Variants in VEZT observed in about 807,000 individuals in gnomAD.
VEZT encodes vezatin.
VEZT carries 39 observed loss-of-function variants against 79.9 expected under a neutral mutation model. The observed-to-expected ratio is 0.49, with a 90% confidence interval of 0.38 to 0.64. The LOEUF (loss-of-function observed/expected upper bound fraction) is 0.64. VEZT is among the 30% of genes least tolerant of loss of function. The probability of loss-of-function intolerance (pLI) is 0.00; values close to 1 mark genes in which losing one functional copy is unlikely to be tolerated. For synonymous variants in VEZT, 325 were observed against 327.6 expected (o/e 0.99, Z 0.09); for missense variants, 837 against 893.1 (o/e 0.94, Z 0.80).
chr12:95,288,346 A>C (rs1458189852), intron 9 of VEZT, among the ~76,000 whole-genome samples: 1 of 152,180 alleles, frequency 6.6e-6, no homozygotes, highest in East Asian at 1.9e-4. Flanking sequence ...ATAATATATC[A>C]GATTGCTTTG....
At chr12:95,242,600 G>T (rs533019571) in intron 1 of VEZT, among the ~76,000 whole-genome samples, 1 of 152,058 alleles carries the variant, frequency 6.6e-6, no homozygotes, top group African/African-American at 2.4e-5. Context: ...TGGGCCGGGC[G>T]TGGTGGCTCA....
At chr12:95,264,236 G>A (rs1355400026) in intron 4 of VEZT, among the ~76,000 whole-genome samples, 1 of 152,162 alleles carries the variant, frequency 6.6e-6, no homozygotes, top group Non-Finnish European at 1.5e-5. Flanking sequence ...TTAAGGAGCT[G>A]ATAGAAGGAA....
chr12:95,287,787 A>T lies in VEZT; in HGVS notation c.1452A>T (p.Ala484=), dbSNP rs1179376370. ...AGTTGATTCAGCCCCACGTTCAAGC[A>T]AGCAACAATTGCTGGGAAGAGGCCA... is the stretch of plus-strand genomic sequence containing the variant. ...KLKLIQPHVQ[A]SNNCWEEAIS... Residue 484 remains alanine, a synonymous_variant, in exon 9 of 12, where the codon GCA becomes GCT. Transcript: ENST00000436874. 1.9e-6 allele frequency: 3 copies of T among 1,608,760 alleles called. No homozygotes were observed. Among genetic ancestry groups the T allele is most frequent in the Middle Eastern group, 1.7e-4 (1 of 6,052 alleles).
chr12:95,260,644 ACTTAC>A (rs2064275108), intron 3 of VEZT, among the ~76,000 whole-genome samples: 1 of 152,152 alleles, frequency 6.6e-6, no homozygotes, highest in African/African-American at 2.4e-5. Flanking sequence ...GCTTCTTCAA[ACTTAC>A]CTTATATAGG....
rs78432960 is a variant in VEZT, at chr12:95,221,881, T to A, written c.36+3995T>A. ...AAAAATATTCAAAAAATAATACAAA[T>A]AAAAAAACTATACAGGATAACAACT... On this transcript the variant is annotated intron_variant, in intron 1 of 11. Transcript: ENST00000436874. 5.4e-4 allele frequency among the ~76,000 whole-genome samples: 82 copies of A among 152,000 alleles called. 1 individual carries two copies. In the East Asian group the frequency reaches 0.011, roughly 20 times the overall value.
At chr12:95,268,190 A>G (rs1310161301) in intron 5 of VEZT, among the ~76,000 whole-genome samples, 1 of 152,014 alleles carries the variant, frequency 6.6e-6, no homozygotes, top group Admixed American at 6.5e-5. Flanking sequence ...TAAAAAAATC[A>G]TGCTTAAAAT....
intron 10 of VEZT, among the ~76,000 whole-genome samples, chr12:95,294,752 A>G (rs959240447): frequency 2.6e-5 from 4 of 152,150 alleles, no homozygotes; most frequent in Admixed American, 2.6e-4. Flanking sequence ...ATCGCATTGG[A>G]TATTGACAAA....
chr12:95,293,402 CTT>C (rs76381367), intron 9 of VEZT, among the ~76,000 whole-genome samples: 1 of 152,004 alleles, frequency 6.6e-6, no homozygotes, highest in Non-Finnish European at 1.5e-5. Context: ...AACCATACTT[CTT>C]TTTTTTAAGT....
intron 9 of VEZT, among the ~76,000 whole-genome samples, chr12:95,290,429 C>T (rs2072441607): frequency 6.6e-6 from 1 of 152,178 alleles, no homozygotes; most frequent in South Asian, 2.1e-4. Flanking sequence ...GCTGTTACAT[C>T]CATCCATACA....
intron 11 of VEZT, among the ~76,000 whole-genome samples, chr12:95,298,106 T>G (rs2074543417): frequency 6.6e-6 from 1 of 151,214 alleles, no homozygotes; most frequent in Non-Finnish European, 1.5e-5. Flanking sequence ...GGTGACAGAG[T>G]GAGACTCTCT....
intron 1 of VEZT, among the ~76,000 whole-genome samples, chr12:95,236,392 C>T (rs577585100): frequency 1.3e-5 from 2 of 151,986 alleles, no homozygotes; most frequent in Admixed American, 6.6e-5. Flanking sequence ...AGCTTCGGCT[C>T]GGCATCAGAG....
intron 2 of VEZT, among the ~76,000 whole-genome samples, chr12:95,255,589 G>A (rs772078414): frequency 6.6e-6 from 1 of 151,918 alleles, no homozygotes; most frequent in South Asian, 2.1e-4. Context: ...CCACCACCAC[G>A]CCCGGCTAAT....
chr12:95,251,831 G>A (rs1450590370), intron 1 of VEZT, 109 bp from the exon 2 acceptor site: 1 of 936,730 alleles, frequency 1.1e-6, no homozygotes, highest in African/African-American at 1.7e-5. Flanking sequence ...AAGCCTTAAA[G>A]AATTTGGACA....
chr12:95,280,893 T>C (rs149710881), intron 7 of VEZT, among the ~76,000 whole-genome samples: 229 of 152,200 alleles, frequency 1.5e-3, no homozygotes, highest in Admixed American at 2.6e-3. Flanking sequence ...TCCCTAGATA[T>C]CACATCTGTA....
intron 7 of VEZT, among the ~76,000 whole-genome samples, chr12:95,280,187 C>T (rs1344889726): frequency 1.3e-5 from 2 of 152,142 alleles, no homozygotes; most frequent in Non-Finnish European, 2.9e-5. Flanking sequence ...GGCCTGTTAA[C>T]GCATAAATCA....
Position 95,282,301 on chromosome 12 carries a change from T to G in VEZT, c.997-12T>G. 1 of 1,568,610 alleles carries G rather than the reference T, an allele frequency of 6.4e-7. No individual in the cohort carries two copies. Among genetic ancestry groups the G allele is most frequent in the Non-Finnish European group, 8.6e-7 (1 of 1,163,682 alleles). ...TTTTATTGATCTAGTTCTTTTTTCTTTTTTCTTTAAGGTTTTGTTCCAACT... is the reference window on the plus strand; with the variant it reads ...TTTTATTGATCTAGTTCTTTTTTCTGTTTTCTTTAAGGTTTTGTTCCAACT... On this transcript the variant is annotated splice_polypyrimidine_tract_variant and intron_variant, in intron 7 of 11. Coordinates refer to ENST00000436874, the MANE Select transcript of VEZT (RefSeq NM_017599.4).
In VEZT at chr12:95,301,857, A is replaced by C. The variant is rs1176462372; in HGVS notation, c.*1184A>C. 2.0e-5 allele frequency: 3 copies of C among 152,184 alleles called. No homozygotes were observed. The East Asian group carries it at 5.8e-4, about 29-fold the overall frequency. The allele number at this position is 152,184 out of a possible 1,614,324, so 9.4% of individuals were successfully genotyped here. A position where few individuals can be genotyped will look rare whatever the true frequency, so the allele number is the denominator to read the frequency against. ...TGTAACTTATCACTTTCAGTGAGTA[A>C]ATTTACTTATACCAAAGGGGATTTT... On this transcript the variant is annotated 3_prime_UTR_variant, in exon 12 of 12. Coordinates refer to ENST00000436874, the MANE Select transcript of VEZT (RefSeq NM_017599.4).
chr12:95,275,324 G>A (rs2067431860), intron 7 of VEZT, among the ~76,000 whole-genome samples: 1 of 152,140 alleles, frequency 6.6e-6, no homozygotes, highest in African/African-American at 2.4e-5. Context: ...CTGGCCGGGT[G>A]GCTCACGCCT....
At chr12:95,276,259 CTTTTTTTTTTTT>C (rs35034660) in intron 7 of VEZT, among the ~76,000 whole-genome samples, 1 of 75,156 alleles carries the variant, frequency 1.3e-5, no homozygotes, top group Admixed American at 2.0e-4. Flanking sequence ...TAATTTTTTT[CTTTTTTTTTTTT>C]TTTTTTTTTT....
Sources: allele counts gnomAD v4.1 joint callset (sites outside exome capture counted in the v4.1 genomes callset), GRCh38; gene constraint gnomAD v4.1.1; transcripts MANE v1.5; gene names NCBI Gene and HGNC (gene_info 2026-07-23, HGNC 2026-07-21).